TMEM273: variants seen among roughly 807,000 people sequenced by gnomAD.
TMEM273 encodes transmembrane protein 273, also known as chromosome 10 open reading frame 128.
A neutral mutation model predicts 17.9 loss-of-function variants in TMEM273; 19 were observed. That is an observed-to-expected ratio of 1.06 (90% CI 0.74 to 1.55). TMEM273 has a LOEUF of 1.55. Ranked by LOEUF, TMEM273 falls within the 40% of genes most tolerant of loss-of-function variation. The pLI is 0.00. For synonymous variants in TMEM273, 66 were observed against 62.0 expected (o/e 1.07, Z -0.31); for missense variants, 194 against 155.6 (o/e 1.25, Z -1.31).
At chr10:49,163,407 C>G (rs1482658293) in intron 5 of TMEM273, among the ~76,000 whole-genome samples, 1 of 152,060 alleles carries the variant, frequency 6.6e-6, no homozygotes. Flanking sequence ...CCCCCTGAAG[C>G]TGGTTACATG....
In TMEM273 at chr10:49,166,908, C is replaced by T; in HGVS notation, c.199G>A (p.Asp67Asn). ...CMIRRHLFDD[D>N]SSDLKSTPGG... is the part of the protein sequence containing the mutation. ...GGCGTGCTTTTCAGGTCGGAAGAGT[C>T]GTCGTCAAATAAGTGCCTCCTGATC... Residue 67 changes from aspartate (D) to asparagine (N), a missense_variant, in exon 3 of 7, where the codon GAC (aspartate) becomes AAC (asparagine). Transcript: ENST00000374153. The T allele has an allele frequency of 2.7e-5, 43 of 1,613,944 alleles. No homozygotes were observed. Among genetic ancestry groups the T allele is most frequent in the Non-Finnish European group, 3.6e-5 (43 of 1,179,968 alleles).
intron 1 of TMEM273, among the ~76,000 whole-genome samples, chr10:49,172,492 C>T (rs1022352989): frequency 6.6e-6 from 1 of 152,130 alleles, no homozygotes. Context: ...CAACAAGAGG[C>T]CCCACAGCCA....
intron 1 of TMEM273, among the ~76,000 whole-genome samples, chr10:49,174,508 G>A (rs990451296): frequency 3.3e-5 from 5 of 152,228 alleles, no homozygotes; most frequent in East Asian, 3.9e-4. Context: ...CTCAAACCCC[G>A]GAACCACCTG....
At chr10:49,168,912 G>C (rs1252842763) in intron 1 of TMEM273, among the ~76,000 whole-genome samples, 1 of 152,168 alleles carries the variant, frequency 6.6e-6, no homozygotes, top group Non-Finnish European at 1.5e-5. Flanking sequence ...CGGACACTGG[G>C]TGCAGTGCTG....
At chr10:49,178,695 A>G (rs572774056) in intron 1 of TMEM273, among the ~76,000 whole-genome samples, 3 of 152,312 alleles carry the variant, frequency 2.0e-5, no homozygotes, top group Admixed American at 2.0e-4. Flanking sequence ...CTCCTCCTCC[A>G]GGAAGCCTTC....
intron 1 of TMEM273, among the ~76,000 whole-genome samples, chr10:49,169,045 AG>A (rs1302378356): frequency 6.6e-6 from 1 of 152,224 alleles, no homozygotes; most frequent in Non-Finnish European, 1.5e-5. Context: ...AGCCAAGATA[AG>A]TGGGAAGTGG....
chr10:49,156,310 G>A, intron 6 of TMEM273: 5 of 1,297,938 alleles, frequency 3.9e-6, no homozygotes, highest in Non-Finnish European at 5.1e-6. Context: ...GGAAAATAAT[G>A]CCTTCACATC....
At chr10:49,179,596 C>T (rs909612880) in intron 1 of TMEM273, among the ~76,000 whole-genome samples, 29 of 152,064 alleles carry the variant, frequency 1.9e-4, no homozygotes, top group Non-Finnish European at 3.8e-4. Flanking sequence ...AGCTAAAATC[C>T]CTAAATATTA....
chr10:49,177,886 A>G (rs1295166115), intron 1 of TMEM273, among the ~76,000 whole-genome samples: 1 of 152,094 alleles, frequency 6.6e-6, no homozygotes, highest in Non-Finnish European at 1.5e-5. Context: ...CAGTTTACTC[A>G]GCCACACACC....
chr10:49,166,263 T>C (rs1846179809), intron 3 of TMEM273, among the ~76,000 whole-genome samples: 1 of 151,940 alleles, frequency 6.6e-6, no homozygotes, highest in South Asian at 2.1e-4. Flanking sequence ...ATACTGCACT[T>C]TGGGTGCCAA....
chr10:49,186,600 C>T (rs940403921), intron 1 of TMEM273, among the ~76,000 whole-genome samples: 17 of 152,144 alleles, frequency 1.1e-4, no homozygotes, highest in African/African-American at 3.9e-4. Flanking sequence ...TTCATTTTCC[C>T]AATAGTCCTG....
intron 1 of TMEM273, among the ~76,000 whole-genome samples, chr10:49,174,596 C>T (rs550625921): frequency 6.6e-6 from 1 of 152,186 alleles, no homozygotes; most frequent in African/African-American, 2.4e-5. Context: ...CCCTCCCATG[C>T]CGCTTGTGGT....
At chr10:49,187,640 C>G (rs1847808247) in intron 1 of TMEM273, among the ~76,000 whole-genome samples, 2 of 152,152 alleles carry the variant, frequency 1.3e-5, no homozygotes, top group South Asian at 4.1e-4. Flanking sequence ...CTCTCTCTCT[C>G]TCTTTGAGTT....
intron 4 of TMEM273, 139 bp downstream of exon 4, chr10:49,165,627 G>A (rs1846127491): frequency 1.5e-6 from 2 of 1,320,546 alleles, no homozygotes; most frequent in Admixed American, 2.1e-5. Context: ...TGTAAGGAGG[G>A]GACCACGAGG....
rs188532307 is a variant in TMEM273, at chr10:49,176,842, G to A, written c.44-8880C>T. ...AACCCTGCGAGGCACCAGCATCCGT[G>A]CTAGGCATCTCCACTCTAGTTAGCT... On this transcript the variant is annotated intron_variant, in intron 1 of 6. Transcript: ENST00000374153. 1.9e-3 allele frequency among the ~76,000 whole-genome samples: 294 copies of A among 152,336 alleles called. 1 individual carries two copies. The highest frequency in any genetic ancestry group is 6.9e-3 in the African/African-American group (286 of 41,578).
intron 1 of TMEM273, among the ~76,000 whole-genome samples, chr10:49,186,107 A>AGAAGAAGAAGAAGAAGAAGAAGAAGAG (rs1564652452): frequency 6.9e-6 from 1 of 144,696 alleles, no homozygotes; most frequent in African/African-American, 2.7e-5. Flanking sequence ...AAGAAGAAGA[A>AGAAGAAGAAGAAGAAGAAGAAGAAGAG]GAGGAAGAAG....
At chr10:49,162,056 C>T (rs11818301) in intron 5 of TMEM273, among the ~76,000 whole-genome samples, 4,162 of 152,292 alleles carry the variant, frequency 0.027, 78 homozygotes, top group Non-Finnish European at 0.042. Flanking sequence ...TTGGAGCCAT[C>T]TTTCCTGGAT....
At position 49,160,562 on chromosome 10, in the gene TMEM273, T is replaced by C. The variant is rs186527388; in HGVS notation, c.372+1037A>G. On this transcript the variant is annotated intron_variant, in intron 6 of 6. Coordinates refer to ENST00000374153, the MANE Select transcript of TMEM273 (RefSeq NM_001288740.3). ...TTTTCTGGATTGGAAAATAGCACAA[T>C]AAAAAATAGAGCAATAAAAGATACT... The C allele has an allele frequency of 1.4e-3, 220 of 151,968 alleles. 1 individual carries two copies. Among genetic ancestry groups the C allele is most frequent in the African/African-American group, 5.1e-3 (212 of 41,458 alleles). 9.4% of individuals were successfully genotyped at this position (151,968 alleles called of 1,614,324 possible).
At chr10:49,171,471 T>C (rs950650869) in intron 1 of TMEM273, among the ~76,000 whole-genome samples, 1 of 152,226 alleles carries the variant, frequency 6.6e-6, no homozygotes, top group Non-Finnish European at 1.5e-5. Context: ...ATAGAAGCTT[T>C]TCCTAATTTG....
Sources: allele counts gnomAD v4.1 joint callset (sites outside exome capture counted in the v4.1 genomes callset), GRCh38; gene constraint gnomAD v4.1.1; transcripts MANE v1.5; gene names NCBI Gene and HGNC (gene_info 2026-07-23, HGNC 2026-07-21).